BAZ2B: variants seen among roughly 807,000 people sequenced by gnomAD.
BAZ2B encodes the protein bromodomain adjacent to zinc finger domain protein 2B.
Under a neutral mutation model 246.0 loss-of-function variants are expected in BAZ2B, and 91 were observed. The observed-to-expected ratio is 0.37, with a 90% CI of 0.31 to 0.44. The LOEUF is 0.44. Among genes scored for constraint, BAZ2B ranks in the 20% least tolerant of loss-of-function variants. The pLI, the probability that BAZ2B is intolerant of heterozygous loss-of-function variation, is 1.00. For synonymous variants in BAZ2B, 855 were observed against 860.0 expected (o/e 0.99, Z 0.10); for missense variants, 2,332 against 2,533.7 (o/e 0.92, Z 1.71).
At chr2:159,503,413 A>G (rs774288327) in intron 2 of BAZ2B, among the ~76,000 whole-genome samples, 4 of 152,212 alleles carry the variant, frequency 2.6e-5, no homozygotes, top group Middle Eastern at 3.4e-3. Flanking sequence ...CCTTACTCCT[A>G]CATATACTCT....
intron 1 of BAZ2B, among the ~76,000 whole-genome samples, chr2:159,604,319 G>A (rs1171879272): frequency 6.6e-6 from 1 of 151,294 alleles, no homozygotes; most frequent in Non-Finnish European, 1.5e-5. Flanking sequence ...TGTTGCTCTG[G>A]CTGGTCTCAC....
chr2:159,436,501 C>CA (rs1264425995), intron 8 of BAZ2B, among the ~76,000 whole-genome samples: 4 of 152,182 alleles, frequency 2.6e-5, no homozygotes, highest in African/African-American at 9.6e-5. Context: ...GTAATCCCAG[C>CA]ACTTTGGGAG....
intron 2 of BAZ2B, among the ~76,000 whole-genome samples, chr2:159,494,471 T>A (rs995128410): frequency 1.3e-5 from 2 of 152,150 alleles, no homozygotes; most frequent in Admixed American, 6.6e-5. Context: ...TATATAAACA[T>A]ACACACTCAC....
chr2:159,657,483 T>C, the BAZ2B span, among the ~76,000 whole-genome samples: 6 of 152,200 alleles, frequency 3.9e-5, no homozygotes, highest in Non-Finnish European at 5.9e-5. Context: ...AATCAGCTTG[T>C]TGATGTCCCA....
chr2:159,698,876 C>T, the BAZ2B span, among the ~76,000 whole-genome samples: 1 of 152,104 alleles, frequency 6.6e-6, no homozygotes, highest in African/African-American at 2.4e-5. Context: ...TGAAGATTTT[C>T]TTTAGCAAGA....
chr2:159,474,867 A>T (rs1189489599), intron 3 of BAZ2B, among the ~76,000 whole-genome samples: 1 of 152,126 alleles, frequency 6.6e-6, no homozygotes, highest in Non-Finnish European at 1.5e-5. Context: ...TTTCTTTAAG[A>T]ATGTTGAATA....
intron 2 of BAZ2B, among the ~76,000 whole-genome samples, chr2:159,517,037 T>A (rs918725158): frequency 6.6e-6 from 1 of 152,122 alleles, no homozygotes; most frequent in Admixed American, 6.5e-5. Context: ...TTCTGAGTTA[T>A]AATAAAAGAC....
At chr2:159,476,560 T>TGCAA (rs1337246211) in intron 3 of BAZ2B, among the ~76,000 whole-genome samples, 1 of 152,156 alleles carries the variant, frequency 6.6e-6, no homozygotes, top group African/African-American at 2.4e-5. Context: ...TCATGAGAAC[T>TGCAA]GCAAGCAAAT....
At chr2:159,672,034 G>C in the BAZ2B span, among the ~76,000 whole-genome samples, 1 of 151,610 alleles carries the variant, frequency 6.6e-6, no homozygotes, top group Admixed American at 6.6e-5. Context: ...GTTATATTAG[G>C]CATTATTATT....
chr2:159,690,161 C>T, the BAZ2B span: 4 of 471,844 alleles, frequency 8.5e-6, no homozygotes, highest in Non-Finnish European at 1.6e-5. Context: ...AGTTTTGGTT[C>T]CTTGGATCCT....
intron 2 of BAZ2B, among the ~76,000 whole-genome samples, chr2:159,526,832 G>GA (rs1255657211): frequency 6.6e-6 from 1 of 151,964 alleles, no homozygotes; most frequent in Non-Finnish European, 1.5e-5. Context: ...GAGGTAGAAG[G>GA]AAAAAAACCT....
At chr2:159,639,332 A>G in the BAZ2B span, among the ~76,000 whole-genome samples, 1 of 152,232 alleles carries the variant, frequency 6.6e-6, no homozygotes, top group African/African-American at 2.4e-5. Context: ...ATAAGCAAGA[A>G]GAAATCATCT....
chr2:159,668,791 T>C, the BAZ2B span, among the ~76,000 whole-genome samples: 1 of 152,196 alleles, frequency 6.6e-6, no homozygotes, highest in Non-Finnish European at 1.5e-5. Context: ...TGAAATGGGT[T>C]GACGCCTGTA....
upstream of BAZ2B, among the ~76,000 whole-genome samples, chr2:159,617,723 A>G (rs1696242654): frequency 6.6e-6 from 1 of 151,842 alleles, no homozygotes; most frequent in African/African-American, 2.4e-5. Flanking sequence ...GTGCTGGAGG[A>G]TCTTCATTAG....
intron 1 of BAZ2B, among the ~76,000 whole-genome samples, chr2:159,558,067 C>T (rs2089415205): frequency 6.6e-6 from 1 of 151,988 alleles, no homozygotes; most frequent in Non-Finnish European, 1.5e-5. Context: ...AGGCTTCATG[C>T]TAAACTAAGT....
intron 2 of BAZ2B, among the ~76,000 whole-genome samples, chr2:159,508,878 A>G (rs2082615531): frequency 6.6e-6 from 1 of 151,986 alleles, no homozygotes; most frequent in African/African-American, 2.4e-5. Flanking sequence ...TGGGTTTGTG[A>G]TATTATATAT....
intron 11 of BAZ2B, among the ~76,000 whole-genome samples, chr2:159,428,650 G>T (rs903147732): frequency 1.3e-5 from 2 of 151,884 alleles, no homozygotes; most frequent in Non-Finnish European, 2.9e-5. Flanking sequence ...AAAATTTTTA[G>T]AAATCATACT....
chr2:159,416,904 T>C (rs2067819353), intron 13 of BAZ2B, among the ~76,000 whole-genome samples: 1 of 152,200 alleles, frequency 6.6e-6, no homozygotes, highest in Non-Finnish European at 1.5e-5. Context: ...AGAGCCAAAA[T>C]AATTGTGGGT....
At chr2:159,655,489 G>A in the BAZ2B span, among the ~76,000 whole-genome samples, 1 of 152,072 alleles carries the variant, frequency 6.6e-6, no homozygotes, top group South Asian at 2.1e-4. Context: ...AATGTTTCCA[G>A]GTGTGGTCCT....
Sources: gnomAD v4.1 joint callset for allele counts (sites outside exome capture counted in the v4.1 genomes callset) on GRCh38, gnomAD v4.1.1 for gene constraint, MANE v1.5 for transcripts, NCBI Gene and HGNC (gene_info 2026-07-23, HGNC 2026-07-21) for gene names.